Variants in SRGAP1 observed in about 807,000 individuals in gnomAD.
The protein encoded by SRGAP1 is SLIT-ROBO Rho GTPase-activating protein 1.
A neutral mutation model predicts 121.9 loss-of-function variants in SRGAP1; 43 were observed. That is an observed-to-expected ratio of 0.35 (90% CI 0.28 to 0.46). The LOEUF is 0.46. SRGAP1 is among the 20% of genes least tolerant of loss of function. SRGAP1 has a pLI of 1.00. For missense variants in SRGAP1, 1,102 were observed against 1,350.9 expected, an observed-to-expected ratio of 0.82 and a Z score of 2.89; for synonymous variants, 447 against 485.4, an observed-to-expected ratio of 0.92 and a Z score of 1.04.
At chr12:64,102,253 T>C (rs973429313) in intron 15 of SRGAP1, among the ~76,000 whole-genome samples, 3 of 152,268 alleles carry the variant, frequency 2.0e-5, no homozygotes, top group African/African-American at 7.2e-5. Flanking sequence ...ACCAACCTAA[T>C]GTTATGCAAT....
intron 1 of SRGAP1, among the ~76,000 whole-genome samples, chr12:63,976,536 A>G (rs2033101164): frequency 6.6e-6 from 1 of 152,200 alleles, no homozygotes; most frequent in African/African-American, 2.4e-5. Flanking sequence ...AATGGGACTC[A>G]TGACTTTCAG....
At chr12:64,130,788 G>T (rs1369606801) in intron 21 of SRGAP1, among the ~76,000 whole-genome samples, 2 of 152,240 alleles carry the variant, frequency 1.3e-5, no homozygotes, top group Non-Finnish European at 2.9e-5. Flanking sequence ...GGCATTCCAT[G>T]AGTCACAGAT....
At position 64,020,644 on chromosome 12, in the gene SRGAP1, A is replaced by T. The variant is rs559284753; in HGVS notation, c.489+3632A>T. On this transcript the variant is annotated intron_variant, in intron 4 of 21. Coordinates refer to ENST00000355086, the MANE Select transcript of SRGAP1 (RefSeq NM_020762.4). ...GATCACCTGAGGTCAGGAGTTCGAG[A>T]CCAGCCTGGCCAACATGGTGAAACC... 1.6e-4 allele frequency among the ~76,000 whole-genome samples: 24 copies of T among 152,212 alleles called. No homozygotes were observed. The South Asian group carries it at 4.6e-3, about 29-fold the overall frequency.
At chr12:64,075,028 C>T (rs921653231) in intron 8 of SRGAP1, among the ~76,000 whole-genome samples, 4 of 151,532 alleles carry the variant, frequency 2.6e-5, no homozygotes, top group Non-Finnish European at 4.4e-5. Flanking sequence ...CCACCTCGGT[C>T]GGGGAGACCC....
chr12:63,874,005 C>T (rs1592903650), intron 1 of SRGAP1, among the ~76,000 whole-genome samples: 1 of 151,364 alleles, frequency 6.6e-6, no homozygotes, highest in African/African-American at 2.4e-5. Context: ...TGCACTCCAG[C>T]CTGGGTGACT....
chr12:64,078,006 A>G (rs2035769005), intron 8 of SRGAP1, among the ~76,000 whole-genome samples: 1 of 152,318 alleles, frequency 6.6e-6, no homozygotes, highest in African/African-American at 2.4e-5. Context: ...AATGTGCTCA[A>G]TCTCATATAT....
chr12:63,943,423 G>A (rs866307627), intron 1 of SRGAP1, among the ~76,000 whole-genome samples: 3 of 152,104 alleles, frequency 2.0e-5, no homozygotes, highest in African/African-American at 7.2e-5. Context: ...GTGTATATAG[G>A]CATTAGCATG....
intron 1 of SRGAP1, among the ~76,000 whole-genome samples, chr12:63,896,467 A>T (rs535392957): frequency 6.6e-6 from 1 of 152,252 alleles, no homozygotes; most frequent in Admixed American, 6.5e-5. Flanking sequence ...CAGGGTCTCA[A>T]AGGCAAATAA....
intron 1 of SRGAP1, among the ~76,000 whole-genome samples, chr12:63,969,323 T>C (rs2032872012): frequency 6.6e-6 from 1 of 152,158 alleles, no homozygotes; most frequent in Admixed American, 6.5e-5. Flanking sequence ...ATTGCACCAT[T>C]TCTAAGGTCT....
At chr12:63,849,452 C>A (rs181996262) in intron 1 of SRGAP1, among the ~76,000 whole-genome samples, 1 of 152,334 alleles carries the variant, frequency 6.6e-6, no homozygotes, top group African/African-American at 2.4e-5. Context: ...TAAGAATTGA[C>A]AGTTATTATT....
intron 1 of SRGAP1, among the ~76,000 whole-genome samples, chr12:63,877,764 C>A (rs1245590741): frequency 6.6e-6 from 1 of 152,188 alleles, no homozygotes; most frequent in Non-Finnish European, 1.5e-5. Context: ...AATTCTAGAT[C>A]CAGCACTCAG....
intron 1 of SRGAP1, among the ~76,000 whole-genome samples, chr12:63,900,296 C>T (rs1900907626): frequency 1.3e-5 from 2 of 150,008 alleles, no homozygotes; most frequent in African/African-American, 2.4e-5. Flanking sequence ...GCCTCTGCCT[C>T]CCGGGTTCAA....
intron 18 of SRGAP1, among the ~76,000 whole-genome samples, chr12:64,122,319 C>G (rs7973208): frequency 1.6e-3 from 249 of 152,286 alleles, no homozygotes; most frequent in African/African-American, 5.7e-3. Flanking sequence ...CCTTGAAGTA[C>G]TGTGAGGCTT....
At chr12:64,012,637 C>G (rs567352722) in intron 3 of SRGAP1, among the ~76,000 whole-genome samples, 24 of 146,716 alleles carry the variant, frequency 1.6e-4, no homozygotes, top group Non-Finnish European at 2.8e-4. Flanking sequence ...ACTGCAGCCT[C>G]GAACTCTTAG....
At chr12:63,974,971 C>A (rs138050591) in intron 1 of SRGAP1, among the ~76,000 whole-genome samples, 1 of 152,300 alleles carries the variant, frequency 6.6e-6, no homozygotes, top group East Asian at 1.9e-4. Context: ...CCCAAGTGGC[C>A]AGTGATCTTT....
chr12:63,895,119 G>C (rs550028961), intron 1 of SRGAP1, among the ~76,000 whole-genome samples: 37 of 152,230 alleles, frequency 2.4e-4, no homozygotes, highest in African/African-American at 6.3e-4. Flanking sequence ...TCCTATTTCT[G>C]CACATCCTCT....
At chr12:64,075,364 G>A (rs1004214183) in intron 8 of SRGAP1, among the ~76,000 whole-genome samples, 3 of 152,202 alleles carry the variant, frequency 2.0e-5, no homozygotes, top group African/African-American at 7.2e-5. Flanking sequence ...TTCCGACTTG[G>A]GCGGGCCAGG....
intron 1 of SRGAP1, among the ~76,000 whole-genome samples, chr12:63,978,070 G>A (rs1015569594): frequency 6.6e-6 from 1 of 152,090 alleles, no homozygotes; most frequent in Non-Finnish European, 1.5e-5. Flanking sequence ...CCCCATGTTG[G>A]ACATTTGACA....
At chr12:64,031,405 A>T (rs186312131) in intron 4 of SRGAP1, among the ~76,000 whole-genome samples, 1 of 152,206 alleles carries the variant, frequency 6.6e-6, no homozygotes, top group African/African-American at 2.4e-5. Context: ...ATTCTTACAG[A>T]ATTTAGTTAC....
Sources: allele counts gnomAD v4.1 joint callset (sites outside exome capture counted in the v4.1 genomes callset), GRCh38; gene constraint gnomAD v4.1.1; transcripts MANE v1.5; gene names NCBI Gene and HGNC (gene_info 2026-07-23, HGNC 2026-07-21).